The following ZCRB1 variants were observed in gnomAD, a reference collection of about 807,000 sequenced individuals.
ZCRB1 encodes zinc finger CCHC-type and RNA-binding motif-containing protein 1.
A neutral mutation model predicts 29.9 loss-of-function variants in ZCRB1; 21 were observed. That is an observed-to-expected ratio of 0.70 (90% CI 0.50 to 1.01). The LOEUF is 1.01. Ranked by LOEUF, ZCRB1 falls within the 50% of genes least tolerant of loss-of-function variation. The pLI is 0.00. For missense variants in ZCRB1, 204 were observed against 253.3 expected, an observed-to-expected ratio of 0.81 and a Z score of 1.32; for synonymous variants, 77 against 80.0, an observed-to-expected ratio of 0.96 and a Z score of 0.20.
intron 5 of ZCRB1, among the ~76,000 whole-genome samples, chr12:42,316,319 T>G (rs1006638977): frequency 6.6e-6 from 1 of 152,128 alleles, no homozygotes; most frequent in African/African-American, 2.4e-5. Flanking sequence ...AGTCTGCTTT[T>G]GAACTCCAGA....
At chr12:42,322,332 T>G in intron 3 of ZCRB1, 86 bp downstream of exon 3, 1 of 1,251,000 alleles carries the variant, frequency 8.0e-7, no homozygotes. Flanking sequence ...CATGTTTTAT[T>G]TTTAAAAATC....
At chr12:42,315,311 G>A (rs1343246672) in intron 5 of ZCRB1, among the ~76,000 whole-genome samples, 4 of 152,212 alleles carry the variant, frequency 2.6e-5, no homozygotes, top group African/African-American at 4.8e-5. Flanking sequence ...GGTTATGTCA[G>A]GGTAGGGTGT....
At position 42,313,722 on chromosome 12, in the gene ZCRB1, G is replaced by C; in HGVS notation, c.490C>G (p.Leu164Val). The stretch of plus-strand genomic sequence containing the variant: ...GCTATGGCCTGACTGAGGCTGTCAA[G>C]AGCAGGATCCTCCCCTTCATCTTCA... Reference protein sequence around the residue: ...ESEDEGEDPALDSLSQAIAFQ... With the variant: ...ESEDEGEDPAVDSLSQAIAFQ... Residue 164 changes from leucine (L) to valine (V), a missense_variant, in exon 7 of 8, where the codon CTT (leucine) becomes GTT (valine). Leu to Val is a conservative substitution (Grantham distance 32). Transcript: ENST00000266529. 6.2e-7 allele frequency: 1 copy of C among 1,613,960 alleles called. No homozygotes were observed. Among genetic ancestry groups the C allele is most frequent in the Non-Finnish European group, 8.5e-7 (1 of 1,179,944 alleles).
intron 3 of ZCRB1, among the ~76,000 whole-genome samples, chr12:42,320,582 G>A (rs547215814): frequency 6.6e-6 from 1 of 152,138 alleles, no homozygotes; most frequent in African/African-American, 2.4e-5. Flanking sequence ...CAAGCAGCTG[G>A]GATTACAGGT....
chr12:42,312,799 A>C lies in ZCRB1; in HGVS notation c.*268T>G. The C allele has an allele frequency of 4.7e-6, 1 of 210,818 alleles. No homozygotes were observed. The highest frequency in any genetic ancestry group is 9.2e-6 in the Non-Finnish European group (1 of 108,986). 13.1% of individuals were successfully genotyped at this position (210,818 alleles called of 1,614,324 possible). ...CAAAATTCTCTTGAAAAGTTTATTA[A>C]TATAAGTAACAATAAATCATTCAAC... On this transcript the variant is annotated 3_prime_UTR_variant, in exon 8 of 8. Transcript: ENST00000266529.
chr12:42,312,970 A>C lies in ZCRB1; in HGVS notation c.*97T>G, dbSNP rs1299846903. The C allele has an allele frequency of 8.2e-7, 1 of 1,215,626 alleles. No individual in the cohort carries two copies. Among genetic ancestry groups the C allele is most frequent in the Admixed American group, 3.3e-5 (1 of 29,934 alleles). 75.3% of individuals were successfully genotyped at this position (1,215,626 alleles called of 1,614,324 possible). A position where few individuals can be genotyped will look rare whatever the true frequency, so the allele number is the denominator to read the frequency against. On this transcript the variant is annotated 3_prime_UTR_variant, in exon 8 of 8. Transcript: ENST00000266529. Reference sequence around the variant, plus strand: ...TCTTGGGATGACAATAATAGTATTAACATGATAGTATTAATTTTTCTTATT... The same window carrying C: ...TCTTGGGATGACAATAATAGTATTACCATGATAGTATTAATTTTTCTTATT...
At chr12:42,316,074 GTTTTT>G (rs1290157819) in intron 5 of ZCRB1, among the ~76,000 whole-genome samples, 1 of 151,866 alleles carries the variant, frequency 6.6e-6, no homozygotes, top group Non-Finnish European at 1.5e-5. Context: ...TCTGGACTCT[GTTTTT>G]TAAGTATTTT....
chr12:42,318,747 C>T (rs2068606981), intron 3 of ZCRB1, among the ~76,000 whole-genome samples: 1 of 151,950 alleles, frequency 6.6e-6, no homozygotes, highest in Non-Finnish European at 1.5e-5. Flanking sequence ...TGCAAGAGTG[C>T]GTGAGCGAGT....
chr12:42,320,770 C>G (rs1326787278), intron 3 of ZCRB1, among the ~76,000 whole-genome samples: 5 of 152,096 alleles, frequency 3.3e-5, no homozygotes, highest in African/African-American at 1.2e-4. Context: ...TTGTTCCCCT[C>G]CAATCTAATT....
chr12:42,317,033 C>A (rs2068597768), intron 5 of ZCRB1, among the ~76,000 whole-genome samples: 1 of 151,930 alleles, frequency 6.6e-6, no homozygotes, highest in Non-Finnish European at 1.5e-5. Context: ...ATAGGAAGAC[C>A]CTGCCTCTAC....
intron 3 of ZCRB1, among the ~76,000 whole-genome samples, chr12:42,320,991 C>T (rs556747301): frequency 9.8e-5 from 15 of 152,302 alleles, no homozygotes; most frequent in Admixed American, 4.6e-4. Flanking sequence ...GGCCTTCTTT[C>T]TATTTCTTGA....
At chr12:42,317,219 A>C (rs1263943477) in intron 5 of ZCRB1, 121 bp downstream of exon 5, 10 of 647,864 alleles carry the variant, frequency 1.5e-5, no homozygotes, top group Non-Finnish European at 2.0e-5. Flanking sequence ...AAATATTAAA[A>C]AATAAAGCAT....
At chr12:42,319,167 A>C (rs1188654979) in intron 3 of ZCRB1, among the ~76,000 whole-genome samples, 1 of 152,178 alleles carries the variant, frequency 6.6e-6, no homozygotes, top group Non-Finnish European at 1.5e-5. Context: ...GGCTTTCTAC[A>C]TCATCCTCAA....
rs1346439952 is a variant in ZCRB1, at chr12:42,324,014, C to G, written c.84+5G>C. ...AATAGCAGTCACTCGATAAGATTTA[C>G]TTACCCGGTACAAGTCATTGTTTGT... On this transcript the variant is annotated splice_donor_5th_base_variant and intron_variant, in intron 2 of 7. Coordinates refer to ENST00000266529, the MANE Select transcript of ZCRB1 (RefSeq NM_033114.4). 3.1e-6 allele frequency: 5 copies of G among 1,612,358 alleles called. No individual in the cohort carries two copies. Among genetic ancestry groups the G allele is most frequent in the Non-Finnish European group, 4.2e-6 (5 of 1,178,588 alleles).
intron 3 of ZCRB1, among the ~76,000 whole-genome samples, chr12:42,318,913 G>T (rs1476479003): frequency 6.6e-6 from 1 of 152,074 alleles, no homozygotes; most frequent in Non-Finnish European, 1.5e-5. Context: ...AGAGAAGGTA[G>T]GAATTTATAA....
intron 1 of ZCRB1, among the ~76,000 whole-genome samples, chr12:42,324,610 T>C (rs1289901906): frequency 6.6e-6 from 1 of 152,260 alleles, no homozygotes; most frequent in East Asian, 1.9e-4. Context: ...TTAGGAACAA[T>C]GACTCCAGCA....
chr12:42,313,830 C>A lies in ZCRB1; in HGVS notation c.446+44G>T, dbSNP rs202175958. 8.7e-6 allele frequency: 14 copies of A among 1,610,460 alleles called. No homozygotes were observed. In the Admixed American group the frequency reaches 1.7e-4, roughly 20 times the overall value. On this transcript the variant is annotated intron_variant, in intron 6 of 7. Coordinates refer to ENST00000266529, the MANE Select transcript of ZCRB1 (RefSeq NM_033114.4). ...TAATCAAAAGCAACCAACCAAAAGA[C>A]AAAAGCAACATGATGATGTATTTAG...
At chr12:42,322,567 A>G (rs966463247) in intron 2 of ZCRB1, 121 bp from the exon 3 acceptor site, 31 of 1,072,646 alleles carry the variant, frequency 2.9e-5, no homozygotes, top group African/African-American at 1.6e-4. Context: ...CCTTCAGTCT[A>G]TAAGACAGGC....
chr12:42,323,535 G>A (rs1164558480), intron 2 of ZCRB1, among the ~76,000 whole-genome samples: 1 of 151,902 alleles, frequency 6.6e-6, no homozygotes, highest in African/African-American at 2.4e-5. Context: ...CACCTTTCCT[G>A]CGTTATTTTT....
Sources: allele counts gnomAD v4.1 joint callset (sites outside exome capture counted in the v4.1 genomes callset), GRCh38; gene constraint gnomAD v4.1.1; transcripts MANE v1.5; gene names NCBI Gene and HGNC (gene_info 2026-07-23, HGNC 2026-07-21).